NFIB: variants seen among roughly 807,000 people sequenced by gnomAD.
NFIB encodes the protein nuclear factor 1 B-type.
NFIB carries 11 observed loss-of-function variants against 61.5 expected under a neutral mutation model. The observed-to-expected ratio is 0.18, with a 90% confidence interval of 0.11 to 0.30. The LOEUF is 0.30. Among genes scored for constraint, NFIB ranks in the 10% least tolerant of loss-of-function variants. The pLI, the probability that NFIB is intolerant of heterozygous loss-of-function variation, is 1.00. For synonymous variants in NFIB, 260 were observed against 216.5 expected, an observed-to-expected ratio of 1.20 and a Z score of -1.76; for missense variants, 471 against 608.9, an observed-to-expected ratio of 0.77 and a Z score of 2.38.
chr9:14,521,733 A>G, the NFIB span, among the ~76,000 whole-genome samples: 1 of 152,212 alleles, frequency 6.6e-6, no homozygotes, highest in Non-Finnish European at 1.5e-5. Context: ...TTTTGGGACA[A>G]TGTTGAAAAC....
At chr9:14,195,400 A>C (rs1436797232) in intron 2 of NFIB, among the ~76,000 whole-genome samples, 1 of 152,254 alleles carries the variant, frequency 6.6e-6, no homozygotes, top group East Asian at 1.9e-4. Flanking sequence ...ATATCTAAGG[A>C]ATACTTTAAT....
chr9:14,144,302 G>C (rs975781986), intron 6 of NFIB, among the ~76,000 whole-genome samples: 24 of 152,098 alleles, frequency 1.6e-4, no homozygotes, highest in African/African-American at 5.6e-4. Flanking sequence ...CTACACTTCT[G>C]AATAACGCAT....
At chr9:14,224,502 G>C (rs545014637) in intron 2 of NFIB, among the ~76,000 whole-genome samples, 1 of 152,218 alleles carries the variant, frequency 6.6e-6, no homozygotes, top group East Asian at 1.9e-4. Flanking sequence ...ACCAACCATG[G>C]AACAAAAATA....
the NFIB span, among the ~76,000 whole-genome samples, chr9:14,462,744 G>T: frequency 6.6e-6 from 1 of 152,158 alleles, no homozygotes; most frequent in African/African-American, 2.4e-5. Flanking sequence ...AGGCGTTCCT[G>T]ACCACAGGGA....
intron 1 of NFIB, among the ~76,000 whole-genome samples, chr9:14,364,408 C>T (rs74360060): frequency 0.013 from 1,972 of 152,168 alleles, 41 homozygotes; most frequent in African/African-American, 0.046. Flanking sequence ...CTAGTTAATG[C>T]GAGAGGTGAA....
At chr9:14,235,136 A>G (rs1448864375) in intron 2 of NFIB, among the ~76,000 whole-genome samples, 1 of 152,216 alleles carries the variant, frequency 6.6e-6, no homozygotes, top group Admixed American at 6.5e-5. Flanking sequence ...TATACGATTG[A>G]AAACAAAATA....
chr9:14,278,660 T>A (rs369240652), intron 2 of NFIB, among the ~76,000 whole-genome samples: 2 of 152,276 alleles, frequency 1.3e-5, no homozygotes, highest in African/African-American at 2.4e-5. Flanking sequence ...CCTGTTAGGG[T>A]CATTACTAAG....
chr9:14,160,976 G>A (rs2044130453), intron 3 of NFIB, among the ~76,000 whole-genome samples: 1 of 151,984 alleles, frequency 6.6e-6, no homozygotes, highest in Admixed American at 6.6e-5. Flanking sequence ...GTGGACATAA[G>A]ACATCTATAG....
intron 5 of NFIB, among the ~76,000 whole-genome samples, chr9:14,147,066 CA>C (rs945674052): frequency 6.6e-6 from 1 of 151,542 alleles, no homozygotes; most frequent in Non-Finnish European, 1.5e-5. Flanking sequence ...AATGTATTTC[CA>C]AAAAAAATTC....
In NFIB at chr9:14,313,774, T is replaced by A; in HGVS notation, c.-263A>T. The A allele has an allele frequency of 7.4e-7, 1 of 1,343,584 alleles. No individual in the cohort carries two copies. Among genetic ancestry groups the A allele is most frequent in the Non-Finnish European group, 9.5e-7 (1 of 1,047,730 alleles). The allele number at this position is 1,343,584 out of a possible 1,614,324, so 83.2% of individuals were successfully genotyped here. ...TCTTGCAGTCCGAGCGCGCTGGCCG[T>A]GCTTGCCGAGGCCGCCGCCGCCGCC... On this transcript the variant is annotated 5_prime_UTR_variant, in exon 1 of 11. Coordinates refer to ENST00000380953, the MANE Select transcript of NFIB (RefSeq NM_001190737.2). This position sits in a 1 kb window ranked among gnomAD's most constrained non-coding sequence, Gnocchi z 4.5.
intron 6 of NFIB, among the ~76,000 whole-genome samples, chr9:14,142,069 T>G (rs962634579): frequency 6.6e-6 from 1 of 152,178 alleles, no homozygotes; most frequent in African/African-American, 2.4e-5. Flanking sequence ...CAAAGTGACC[T>G]TATAAAGAAT....
the NFIB span, among the ~76,000 whole-genome samples, chr9:14,481,570 G>C: frequency 6.6e-6 from 1 of 151,900 alleles, no homozygotes; most frequent in African/African-American, 2.4e-5. Context: ...TATTGACTTT[G>C]GATTTCTCTC....
chr9:14,340,951 G>C (rs938998532), intron 1 of NFIB, among the ~76,000 whole-genome samples: 3 of 152,068 alleles, frequency 2.0e-5, no homozygotes, highest in African/African-American at 7.2e-5. Flanking sequence ...TGGCGGTAGT[G>C]GTTCTTATTT....
In NFIB at chr9:14,142,412, C is replaced by T. The variant is rs185403947; in HGVS notation, c.925+4277G>A. On this transcript the variant is annotated intron_variant, in intron 6 of 10. Coordinates refer to ENST00000380953, the MANE Select transcript of NFIB (RefSeq NM_001190737.2). ...GCCTACCCAGCCAATAAACCTCTTC[C>T]TTTTGTAAATTGCCCAGTCTCAAGT... Among the ~76,000 whole-genome samples the T allele has an allele frequency of 4.8e-3, 726 of 152,262 alleles. 18 individuals are homozygous for T. Among genetic ancestry groups the T allele is most frequent in the Admixed American group, 0.039 (599 of 15,290 alleles).
At chr9:14,283,341 AG>A (rs1266460968) in intron 2 of NFIB, among the ~76,000 whole-genome samples, 2 of 152,246 alleles carry the variant, frequency 1.3e-5, no homozygotes, top group Non-Finnish European at 2.9e-5. Context: ...GAAGGAATTT[AG>A]ATTGAGAAAA....
chr9:14,260,029 G>A (rs1220245162), intron 2 of NFIB, among the ~76,000 whole-genome samples: 1 of 152,212 alleles, frequency 6.6e-6, no homozygotes, highest in East Asian at 1.9e-4. Context: ...GGTGGTACAA[G>A]TTTGCCTTCT....
At chr9:14,122,540 T>C (rs1163818493) in intron 7 of NFIB, among the ~76,000 whole-genome samples, 31 of 152,222 alleles carry the variant, frequency 2.0e-4, no homozygotes, top group Non-Finnish European at 2.9e-4. Context: ...AACAAAACTC[T>C]TTACTGAAGT....
chr9:14,106,194 C>G (rs2036527388), intron 10 of NFIB, among the ~76,000 whole-genome samples: 1 of 152,026 alleles, frequency 6.6e-6, no homozygotes, highest in East Asian at 1.9e-4. Flanking sequence ...TTAGAATTGT[C>G]TGTTTTCATG....
the NFIB span, among the ~76,000 whole-genome samples, chr9:14,471,542 C>T: frequency 2.0e-5 from 3 of 152,338 alleles, no homozygotes; most frequent in East Asian, 5.8e-4. Context: ...TAGAAGACTG[C>T]AAAGCTTCTA....
Sources: gnomAD v4.1 joint callset for allele counts (sites outside exome capture counted in the v4.1 genomes callset) on GRCh38, gnomAD v4.1.1 for gene constraint, Gnocchi (gnomAD v3.1) non-coding constraint, MANE v1.5 for transcripts, NCBI Gene and HGNC (gene_info 2026-07-23, HGNC 2026-07-21) for gene names.